BCAR3: variants seen among roughly 807,000 people sequenced by gnomAD.
BCAR3 encodes BCAR3 adaptor protein, NSP family member.
BCAR3 carries 37 observed loss-of-function variants against 80.1 expected under a neutral mutation model. The ratio of observed to expected loss-of-function variants is 0.46; its 90% CI spans 0.36 to 0.61. The LOEUF (loss-of-function observed/expected upper bound fraction) is 0.61, where lower values mean the gene tolerates loss of function less well. Among genes scored for constraint, BCAR3 ranks in the 20% least tolerant of loss-of-function variants. BCAR3 has a pLI of 0.00. For missense variants in BCAR3, 978 were observed against 1,068.2 expected, an observed-to-expected ratio of 0.92 and a Z score of 1.18; for synonymous variants, 389 against 418.9, an observed-to-expected ratio of 0.93 and a Z score of 0.87.
chr1:93,752,412 T>C (rs1651589910), intron 2 of BCAR3, among the ~76,000 whole-genome samples: 1 of 152,232 alleles, frequency 6.6e-6, no homozygotes, highest in Admixed American at 6.5e-5. Flanking sequence ...TTGGAAATAC[T>C]AAGATGCATA....
intron 2 of BCAR3, among the ~76,000 whole-genome samples, chr1:93,708,712 A>AC (rs943223261): frequency 1.3e-5 from 2 of 152,062 alleles, no homozygotes; most frequent in African/African-American, 4.8e-5. Context: ...TACCCTATTC[A>AC]CCACCACATC....
chr1:93,585,058 C>G (rs1469312308), intron 5 of BCAR3: 2 of 985,456 alleles, frequency 2.0e-6, no homozygotes, highest in East Asian at 1.1e-4. Context: ...GAAGATAAGA[C>G]AAGACCGAGG....
intron 3 of BCAR3, 120 bp downstream of exon 3, chr1:93,642,184 T>TACACAAACC: frequency 8.7e-7 from 1 of 1,152,646 alleles, no homozygotes; most frequent in South Asian, 1.3e-5. Context: ...CCTGTTGTTT[T>TACACAAACC]GGAGAGTCTA....
At position 93,573,626 on chromosome 1, in the gene BCAR3, TATTA is replaced by T. The variant is rs1221170596; in HGVS notation, c.1803-1789_1803-1786del. 1.1e-3 allele frequency among the ~76,000 whole-genome samples: 162 copies of T among 142,508 alleles called. 1 individual carries two copies. Among genetic ancestry groups the T allele is most frequent in the African/African-American group, 4.0e-3 (144 of 36,352 alleles). 93.5% of individuals were successfully genotyped at this position (142,508 alleles called of 152,430 possible). A position where few individuals can be genotyped will look rare whatever the true frequency, so the allele number is the denominator to read the frequency against. ...AATATATTTTTATTATTATTATTAT[TATTA>T]TTATTTTTTTTTTTTTGAGACAGGG... is the stretch of plus-strand genomic sequence containing the variant. On this transcript the variant is annotated intron_variant, in intron 8 of 11. Transcript: ENST00000260502.
chr1:93,570,843 A>T (rs1295057940), intron 9 of BCAR3, among the ~76,000 whole-genome samples: 1 of 152,212 alleles, frequency 6.6e-6, no homozygotes, highest in Non-Finnish European at 1.5e-5. Context: ...GTTCATGAGG[A>T]TGACACTTGC....
Position 93,674,641 on chromosome 1 carries a change from T to G in BCAR3, c.290A>C (p.Asp97Ala), listed in dbSNP as rs1247526337. ...GAAGGTGAAGGTTTCGCCGTGCCGG[T>G]CCTGCCATGGGCTCTCCTGGATGCC... Reference protein sequence around the residue: ...QDGIQESPWQDRHGETFTFRD... With the variant: ...QDGIQESPWQARHGETFTFRD... The change falls in exon 2 of 12, where the codon GAC becomes GCC. Residue 97 changes from aspartate to alanine, a missense_variant. Asp to Ala is a moderately radical substitution (Grantham distance 126). Transcript: ENST00000260502. The G allele has an allele frequency of 6.8e-6, 11 of 1,613,526 alleles. No individual in the cohort carries two copies. The highest frequency in any genetic ancestry group is 7.6e-6 in the Non-Finnish European group (9 of 1,179,870).
intron 2 of BCAR3, among the ~76,000 whole-genome samples, chr1:93,778,694 C>T (rs913815388): frequency 6.6e-6 from 1 of 152,200 alleles, no homozygotes; most frequent in East Asian, 1.9e-4. Context: ...ACAAGACCCA[C>T]TTCTCTAGGA....
At chr1:93,642,421 T>C in intron 2 of BCAR3, 78 bp from the exon 3 acceptor site, 1 of 1,376,218 alleles carries the variant, frequency 7.3e-7, no homozygotes, top group Non-Finnish European at 1.0e-6. Context: ...TCCAACATTA[T>C]TTCACCCTAT....
At chr1:93,768,588 A>G (rs905182479) in intron 2 of BCAR3, among the ~76,000 whole-genome samples, 3 of 152,204 alleles carry the variant, frequency 2.0e-5, no homozygotes, top group Non-Finnish European at 4.4e-5. Context: ...TGGGAGTGCA[A>G]TGTGATCACC....
At chr1:93,644,139 T>A (rs1676080078) in intron 2 of BCAR3, among the ~76,000 whole-genome samples, 2 of 152,366 alleles carry the variant, frequency 1.3e-5, no homozygotes, top group South Asian at 4.1e-4. Flanking sequence ...TGCAAAACTG[T>A]CCTTTGTGGG....
At chr1:93,704,456 A>T (rs1274138208) in intron 3 of BCAR3, among the ~76,000 whole-genome samples, 1 of 152,202 alleles carries the variant, frequency 6.6e-6, no homozygotes, top group Non-Finnish European at 1.5e-5. Context: ...ACGAATGAAA[A>T]CACAGACACA....
chr1:93,613,903 C>A, intron 3 of BCAR3: 7 of 1,550,522 alleles, frequency 4.5e-6, no homozygotes, highest in African/African-American at 1.4e-5. Context: ...GCTGAGAGGG[C>A]GTGGAAAGCA....
intron 2 of BCAR3, among the ~76,000 whole-genome samples, chr1:93,733,559 T>C (rs1481409789): frequency 6.6e-6 from 1 of 152,188 alleles, no homozygotes; most frequent in African/African-American, 2.4e-5. Flanking sequence ...AAGCCTGCCT[T>C]CCTTGGAAGG....
chr1:93,843,570 T>A (rs1655038353), intron 2 of BCAR3, among the ~76,000 whole-genome samples: 1 of 152,214 alleles, frequency 6.6e-6, no homozygotes, highest in Admixed American at 6.5e-5. Context: ...TACTCTTAAC[T>A]GCTACTACCA....
At chr1:93,571,500 GAAAAA>G (rs200297271) in intron 9 of BCAR3, 165 bp downstream of exon 9, 1 of 677,708 alleles carries the variant, frequency 1.5e-6, no homozygotes, top group Admixed American at 3.4e-5. Flanking sequence ...TCTCAAAAAA[GAAAAA>G]AAAAAGTAGA....
At chr1:93,630,838 C>A (rs1675597042) in intron 3 of BCAR3, among the ~76,000 whole-genome samples, 1 of 152,140 alleles carries the variant, frequency 6.6e-6, no homozygotes, top group Non-Finnish European at 1.5e-5. Context: ...AAGAACTTCA[C>A]ATGTATTCAC....
At chr1:93,720,025 A>G (rs1650337837) in intron 2 of BCAR3, among the ~76,000 whole-genome samples, 1 of 152,192 alleles carries the variant, frequency 6.6e-6, no homozygotes, top group Non-Finnish European at 1.5e-5. Context: ...TTTCCTGGGC[A>G]CTGGTATGTT....
rs146589631 is a variant in BCAR3 at position 93,736,237 on chromosome 1, G to A, written c.-62-30095C>T. Among the ~76,000 whole-genome samples, 755 of 152,232 alleles carry A rather than the reference G, an allele frequency of 5.0e-3. 5 individuals carry two copies. The highest frequency in any genetic ancestry group is 0.017 in the African/African-American group (708 of 41,548). ...AGTTTCACTCTTGTTGCCCAAGCTGGAGTGCAATGGCGCGATCTCGGCTTA... is the reference window on the plus strand; with the variant it reads ...AGTTTCACTCTTGTTGCCCAAGCTGAAGTGCAATGGCGCGATCTCGGCTTA... On this transcript the variant is annotated intron_variant, in intron 2 of 13. Coordinates refer to the BCAR3 transcript ENST00000370244.
At chr1:93,651,608 T>C (rs1000530815) in intron 2 of BCAR3, among the ~76,000 whole-genome samples, 4 of 152,192 alleles carry the variant, frequency 2.6e-5, no homozygotes, top group African/African-American at 9.7e-5. Context: ...AGTCTGAGGT[T>C]TGAACCAGAT....
Sources: allele counts gnomAD v4.1 joint callset (sites outside exome capture counted in the v4.1 genomes callset), GRCh38; gene constraint gnomAD v4.1.1; transcripts MANE v1.5; gene names NCBI Gene and HGNC (gene_info 2026-07-23, HGNC 2026-07-21).